Variants in SLCO2A1 observed in about 807,000 individuals in gnomAD.
SLCO2A1 encodes the protein matrin F/G 1.
In SLCO2A1, 60 loss-of-function variants were observed where a neutral mutation model predicts 71.7. The observed-to-expected ratio is 0.84, with a 90% CI of 0.68 to 1.04. The LOEUF is 1.04. Among genes scored for constraint, SLCO2A1 ranks in the 50% least tolerant of loss-of-function variants. The probability of loss-of-function intolerance (pLI) is 0.00; values close to 1 mark genes in which losing one functional copy is unlikely to be tolerated. For synonymous variants in SLCO2A1, 308 were observed against 326.7 expected (o/e 0.94, Z 0.62); for missense variants, 745 against 813.4 (o/e 0.92, Z 1.02).
chr3:133,999,720 T>C (rs1935060968), intron 1 of SLCO2A1, among the ~76,000 whole-genome samples: 1 of 152,042 alleles, frequency 6.6e-6, no homozygotes, highest in Non-Finnish European at 1.5e-5. Flanking sequence ...AAAGGGGTCA[T>C]CCCTAGTCCT....
chr3:133,938,218 A>T (rs1358116282), intron 12 of SLCO2A1, among the ~76,000 whole-genome samples: 3 of 152,230 alleles, frequency 2.0e-5, no homozygotes, highest in African/African-American at 7.2e-5. Flanking sequence ...TAACTTAGTT[A>T]GGAATGAATG....
intron 1 of SLCO2A1, among the ~76,000 whole-genome samples, chr3:133,989,079 G>A (rs898059081): frequency 7.9e-5 from 12 of 152,246 alleles, no homozygotes; most frequent in African/African-American, 2.2e-4. Context: ...TAGATTGGCC[G>A]GCGGGCCCTG....
At chr3:133,994,295 G>A (rs1934914785) in intron 1 of SLCO2A1, among the ~76,000 whole-genome samples, 2 of 152,254 alleles carry the variant, frequency 1.3e-5, no homozygotes, top group African/African-American at 4.8e-5. Context: ...GCTCAGGGCA[G>A]AGTTGGCAAA....
chr3:134,014,408 C>G (rs1477221194), intron 1 of SLCO2A1, among the ~76,000 whole-genome samples: 1 of 152,174 alleles, frequency 6.6e-6, no homozygotes, highest in African/African-American at 2.4e-5. Context: ...ATCCTTCAAC[C>G]CCTCAGTGCA....
chr3:133,970,743 C>A (rs973408077), intron 3 of SLCO2A1, among the ~76,000 whole-genome samples: 1 of 152,128 alleles, frequency 6.6e-6, no homozygotes, highest in Non-Finnish European at 1.5e-5. Flanking sequence ...GACTGCTGTG[C>A]CCTATTGTTG....
At chr3:134,024,355 T>A (rs757713059) in intron 1 of SLCO2A1, among the ~76,000 whole-genome samples, 1 of 152,278 alleles carries the variant, frequency 6.6e-6, no homozygotes, top group Non-Finnish European at 1.5e-5. Flanking sequence ...TGAAATCAAA[T>A]AGCTGCAGGA....
chr3:133,948,059 TG>T (rs1400359323), intron 8 of SLCO2A1, among the ~76,000 whole-genome samples: 1 of 152,188 alleles, frequency 6.6e-6, no homozygotes, highest in East Asian at 1.9e-4. Context: ...GGGATAGGGC[TG>T]GGCATCTGTG....
intron 11 of SLCO2A1, 41 bp from the exon 12 acceptor site, chr3:133,938,534 G>A (rs374318184): frequency 2.7e-4 from 437 of 1,591,946 alleles, no homozygotes; most frequent in Admixed American, 7.5e-4. Context: ...GAGGATTCAG[G>A]GCTGCACGAT....
At chr3:133,996,065 CA>C (rs1934957154) in intron 1 of SLCO2A1, among the ~76,000 whole-genome samples, 1 of 152,142 alleles carries the variant, frequency 6.6e-6, no homozygotes, top group South Asian at 2.1e-4. Context: ...CTGTAGCAGG[CA>C]AGAGACTGGA....
chr3:133,934,954 C>G (rs1181732217), intron 13 of SLCO2A1, 124 bp from the exon 14 acceptor site: 2 of 700,896 alleles, frequency 2.9e-6, no homozygotes, highest in Non-Finnish European at 4.9e-6. Flanking sequence ...GGGCACCATC[C>G]AGGTGAGGAT....
At position 133,972,007 on chromosome 3, in the gene SLCO2A1, A is replaced by G. The variant is rs181690876; in HGVS notation, c.397+1656T>C. 5.1e-4 allele frequency among the ~76,000 whole-genome samples: 78 copies of G among 152,322 alleles called. No individual in the cohort carries two copies. The East Asian group carries it at 0.013, about 26-fold the overall frequency. On this transcript the variant is annotated intron_variant, in intron 3 of 13. Coordinates refer to ENST00000310926, the MANE Select transcript of SLCO2A1 (RefSeq NM_005630.3). ...GTCAAACTCAAGGAGGTAATCCACC[A>G]TGAACAAGAGCAAGCAGACATAAAA...
intron 9 of SLCO2A1, among the ~76,000 whole-genome samples, chr3:133,946,951 C>T (rs968837785): frequency 6.6e-6 from 1 of 151,966 alleles, no homozygotes; most frequent in Non-Finnish European, 1.5e-5. Flanking sequence ...CCCGCCTCAA[C>T]TAAAAATACA....
At position 133,934,652 on chromosome 3, in the gene SLCO2A1, T is replaced by C. The variant is rs1464806240; in HGVS notation, c.*61A>G. The C allele has an allele frequency of 8.0e-6, 9 of 1,128,590 alleles. No homozygotes were observed. Among genetic ancestry groups the C allele is most frequent in the Non-Finnish European group, 1.2e-5 (9 of 743,582 alleles). 69.9% of individuals were successfully genotyped at this position (1,128,590 alleles called of 1,614,324 possible). ...AATGACGTGTTAACATTAGTGAGTA[T>C]AGGCAGGTGTGGAAGAGTCAAGGTC... On this transcript the variant is annotated 3_prime_UTR_variant, in exon 14 of 14. Coordinates refer to ENST00000310926, the MANE Select transcript of SLCO2A1 (RefSeq NM_005630.3).
At chr3:134,023,825 C>T (rs948790874) in intron 1 of SLCO2A1, among the ~76,000 whole-genome samples, 17 of 152,210 alleles carry the variant, frequency 1.1e-4, no homozygotes, top group Admixed American at 3.9e-4. Context: ...GTCCCCTTTC[C>T]ACTAAGGTGG....
intron 1 of SLCO2A1, among the ~76,000 whole-genome samples, chr3:133,996,472 T>C (rs1035476954): frequency 6.6e-6 from 1 of 151,880 alleles, no homozygotes; most frequent in African/African-American, 2.4e-5. Flanking sequence ...GACAGTGGAG[T>C]TGCTCCTGAG....
At chr3:133,958,218 G>A (rs1024332573) in intron 3 of SLCO2A1, among the ~76,000 whole-genome samples, 15 of 152,186 alleles carry the variant, frequency 9.9e-5, no homozygotes, top group African/African-American at 3.4e-4. Flanking sequence ...AACAGATGTT[G>A]GAAGGCCTGG....
At chr3:134,024,500 T>C (rs533681929) in intron 1 of SLCO2A1, among the ~76,000 whole-genome samples, 25 of 152,202 alleles carry the variant, frequency 1.6e-4, no homozygotes, top group Non-Finnish European at 3.1e-4. Flanking sequence ...TGAGGCTACA[T>C]GACCTGGCAA....
intron 1 of SLCO2A1, among the ~76,000 whole-genome samples, chr3:133,990,144 C>A (rs1467104956): frequency 6.6e-6 from 1 of 152,266 alleles, no homozygotes; most frequent in African/African-American, 2.4e-5. Context: ...GGGCTCCCCG[C>A]TACTGCAGGC....
chr3:133,943,199 G>A (rs987143120), intron 10 of SLCO2A1, among the ~76,000 whole-genome samples: 1 of 152,190 alleles, frequency 6.6e-6, no homozygotes, highest in Non-Finnish European at 1.5e-5. Flanking sequence ...GAACACAGTG[G>A]AATTCCCTGG....
Sources: gnomAD v4.1 joint callset for allele counts (sites outside exome capture counted in the v4.1 genomes callset) on GRCh38, gnomAD v4.1.1 for gene constraint, MANE v1.5 for transcripts, NCBI Gene and HGNC (gene_info 2026-07-23, HGNC 2026-07-21) for gene names.